Variants in TRPC4 observed in about 807,000 individuals in gnomAD.
TRPC4 encodes short transient receptor potential channel 4.
Under a neutral mutation model 99.4 loss-of-function variants are expected in TRPC4, and 49 were observed. The ratio of observed to expected loss-of-function variants is 0.49; its 90% confidence interval spans 0.39 to 0.63. The LOEUF (loss-of-function observed/expected upper bound fraction) is 0.63, where lower values mean the gene tolerates loss of function less well. Ranked by LOEUF, TRPC4 falls within the 20% of genes least tolerant of loss-of-function variation. TRPC4 has a pLI of 0.00. For missense variants in TRPC4, 898 were observed against 1,152.9 expected (o/e 0.78, Z 3.20); for synonymous variants, 454 against 425.9 (o/e 1.07, Z -0.81).
intron 5 of TRPC4, among the ~76,000 whole-genome samples, chr13:37,664,497 T>G (rs1035551983): frequency 6.6e-6 from 1 of 151,864 alleles, no homozygotes; most frequent in Non-Finnish European, 1.5e-5. Context: ...TCACTTGAAC[T>G]TGGGAGACTG....
At chr13:37,858,885 A>G (rs1418187963) in intron 1 of TRPC4, among the ~76,000 whole-genome samples, 1 of 151,244 alleles carries the variant, frequency 6.6e-6, no homozygotes. Context: ...AACTGTGACT[A>G]AAGTCAAACT....
chr13:37,794,666 C>A (rs1339298564), intron 1 of TRPC4, among the ~76,000 whole-genome samples: 2 of 152,160 alleles, frequency 1.3e-5, no homozygotes, highest in African/African-American at 4.8e-5. Context: ...AACCATGTGA[C>A]CTTGAACACT....
chr13:37,801,029 A>C (rs1957387122), intron 1 of TRPC4, among the ~76,000 whole-genome samples: 1 of 152,148 alleles, frequency 6.6e-6, no homozygotes, highest in Admixed American at 6.6e-5. Flanking sequence ...ATTTTAAAAT[A>C]ATCAAGCATT....
chr13:37,839,145 C>T (rs963397021), intron 1 of TRPC4, among the ~76,000 whole-genome samples: 1 of 152,160 alleles, frequency 6.6e-6, no homozygotes, highest in African/African-American at 2.4e-5. Context: ...TAGGGCAGTA[C>T]CAAGAGGAAT....
chr13:37,754,534 G>T (rs1196573232), intron 2 of TRPC4, among the ~76,000 whole-genome samples: 1 of 152,064 alleles, frequency 6.6e-6, no homozygotes, highest in African/African-American at 2.4e-5. Flanking sequence ...TTGCTAAGAA[G>T]CAAACCACAT....
At chr13:37,856,129 T>C (rs908802863) in intron 1 of TRPC4, among the ~76,000 whole-genome samples, 1 of 151,460 alleles carries the variant, frequency 6.6e-6, no homozygotes, top group Non-Finnish European at 1.5e-5. Context: ...CTGACAAACC[T>C]CTGGCCTGAC....
At chr13:37,702,499 CTG>C (rs891005507) in intron 3 of TRPC4, among the ~76,000 whole-genome samples, 18 of 152,170 alleles carry the variant, frequency 1.2e-4, no homozygotes, top group African/African-American at 4.3e-4. Flanking sequence ...GTTTATAACA[CTG>C]TTTTATTAAA....
chr13:37,851,394 T>C (rs1168041714), intron 1 of TRPC4, among the ~76,000 whole-genome samples: 2 of 152,152 alleles, frequency 1.3e-5, no homozygotes, highest in East Asian at 1.9e-4. Context: ...CATAACCCTG[T>C]TATTGGAGTT....
rs112757522 is a variant in TRPC4, at chr13:37,782,924, A to G, written c.378+32T>C. ...AAAAACAAAAAACCTTCTGCAGGTA[A>G]AATAAATTAAAAACTGTATTTTTGC... On this transcript the variant is annotated intron_variant, in intron 2 of 10. Coordinates refer to ENST00000379705, the MANE Select transcript of TRPC4 (RefSeq NM_016179.4). 23 of 1,433,094 alleles carry G rather than the reference A, an allele frequency of 1.6e-5. No individual in the cohort carries two copies. The African/African-American group carries it at 2.4e-4, about 15-fold the overall frequency. 88.8% of individuals were successfully genotyped at this position (1,433,094 alleles called of 1,614,324 possible).
At chr13:37,740,529 A>C (rs992181822) in intron 3 of TRPC4, among the ~76,000 whole-genome samples, 1 of 152,184 alleles carries the variant, frequency 6.6e-6, no homozygotes, top group Non-Finnish European at 1.5e-5. Context: ...AAGAAGACAC[A>C]ATCCACAGTG....
chr13:37,822,124 C>A (rs1958030779), intron 1 of TRPC4, among the ~76,000 whole-genome samples: 1 of 151,928 alleles, frequency 6.6e-6, no homozygotes, highest in South Asian at 2.1e-4. Context: ...AAACAAACAA[C>A]CCCATTAAAA....
chr13:37,820,293 C>T (rs1957976698), intron 1 of TRPC4, among the ~76,000 whole-genome samples: 1 of 151,928 alleles, frequency 6.6e-6, no homozygotes, highest in South Asian at 2.1e-4. Context: ...GAAATTGAAT[C>T]AGTAATAAAA....
At chr13:37,862,822 T>C (rs1272627174) in intron 1 of TRPC4, among the ~76,000 whole-genome samples, 1 of 151,334 alleles carries the variant, frequency 6.6e-6, no homozygotes, top group Non-Finnish European at 1.5e-5. Flanking sequence ...AAGTGTGTGC[T>C]CGTGTGTGTG....
intron 3 of TRPC4, among the ~76,000 whole-genome samples, chr13:37,729,791 G>T (rs1343412394): frequency 1.3e-5 from 2 of 151,990 alleles, no homozygotes; most frequent in East Asian, 3.9e-4. Context: ...AATTATAAAG[G>T]CAGAAACTGG....
intron 1 of TRPC4, among the ~76,000 whole-genome samples, chr13:37,846,518 T>C (rs1402337852): frequency 1.3e-5 from 2 of 152,028 alleles, no homozygotes; most frequent in African/African-American, 2.4e-5. Context: ...AGTAGTCTGT[T>C]ACAGGATATT....
intron 2 of TRPC4, among the ~76,000 whole-genome samples, chr13:37,780,464 C>A (rs1036163939): frequency 1.3e-5 from 2 of 151,948 alleles, no homozygotes; most frequent in Non-Finnish European, 2.9e-5. Flanking sequence ...TTGGGCATAC[C>A]ATGAGTATGA....
At chr13:37,831,089 C>A (rs1053839699) in intron 1 of TRPC4, among the ~76,000 whole-genome samples, 5 of 151,188 alleles carry the variant, frequency 3.3e-5, no homozygotes, top group African/African-American at 1.2e-4. Flanking sequence ...TTTTGCTGTA[C>A]AGAAGAATTT....
At chr13:37,819,376 G>A (rs777233062) in intron 1 of TRPC4, among the ~76,000 whole-genome samples, 1 of 152,032 alleles carries the variant, frequency 6.6e-6, no homozygotes, top group Non-Finnish European at 1.5e-5. Context: ...ACACATGAAT[G>A]TGTATGTTTA....
At chr13:37,752,060 T>G (rs2139193174) in intron 2 of TRPC4, among the ~76,000 whole-genome samples, 1 of 127,786 alleles carries the variant, frequency 7.8e-6, no homozygotes, top group Non-Finnish European at 1.6e-5. Flanking sequence ...TACCAAAACC[T>G]GATAAAGCAG....
Sources: gnomAD v4.1 joint callset for allele counts (sites outside exome capture counted in the v4.1 genomes callset) on GRCh38, gnomAD v4.1.1 for gene constraint, MANE v1.5 for transcripts, NCBI Gene and HGNC (gene_info 2026-07-23, HGNC 2026-07-21) for gene names.